DOCK4: variants seen among roughly 807,000 people sequenced by gnomAD.
DOCK4 encodes dedicator of cytokinesis 4.
In DOCK4, 97 loss-of-function variants were observed where a neutral mutation model predicts 268.1. The observed-to-expected ratio is 0.36, with a 90% confidence interval of 0.31 to 0.43. The LOEUF (loss-of-function observed/expected upper bound fraction) is 0.43. Ranked by LOEUF, DOCK4 falls within the 20% of genes least tolerant of loss-of-function variation. The probability of loss-of-function intolerance (pLI) is 1.00; values close to 1 mark genes in which losing one functional copy is unlikely to be tolerated. For synonymous variants in DOCK4, 954 were observed against 887.2 expected (o/e 1.08, Z -1.34); for missense variants, 2,145 against 2,455.7 (o/e 0.87, Z 2.67).
Position 111,940,233 on chromosome 7 carries a change from C to G in DOCK4, c.854G>C (p.Gly285Ala), listed in dbSNP as rs1347607151. The G allele has an allele frequency of 6.2e-7, 1 of 1,613,982 alleles. No individual in the cohort carries two copies. The highest frequency in any genetic ancestry group is 1.1e-5 in the South Asian group (1 of 91,086). Residue 285 changes from glycine (G) to alanine (A), a missense_variant, in exon 11 of 53, where the codon GGA becomes GCA. Physicochemically the swap from Gly to Ala is moderately conservative, Grantham distance 60 (BLOSUM62 0). Coordinates refer to ENST00000428084, the MANE Select transcript of DOCK4 (RefSeq NM_001363540.2). ...TVHIIRIGRMGAGEKKNACSV... is the reference protein window; with the variant it reads ...TVHIIRIGRMAAGEKKNACSV... ...ACAGGCATTCTTTTTTTCTCCTGCTCCCATTCGACCTGTTCAATTAAAGAG... is the reference window on the plus strand; with the variant it reads ...ACAGGCATTCTTTTTTTCTCCTGCTGCCATTCGACCTGTTCAATTAAAGAG...
chr7:112,100,217 A>G (rs191229447), intron 1 of DOCK4, among the ~76,000 whole-genome samples: 2 of 152,350 alleles, frequency 1.3e-5, no homozygotes, highest in Admixed American at 1.3e-4. Flanking sequence ...ACGTAAAGCC[A>G]TTCATGAAAT....
chr7:112,088,016 A>T (rs1191811290), intron 1 of DOCK4, among the ~76,000 whole-genome samples: 2 of 152,112 alleles, frequency 1.3e-5, no homozygotes, highest in African/African-American at 4.8e-5. Context: ...GGTGAAGGGG[A>T]GTAGATTTTT....
At chr7:111,877,746 A>G (rs1807029394) in intron 16 of DOCK4, among the ~76,000 whole-genome samples, 1 of 152,222 alleles carries the variant, frequency 6.6e-6, no homozygotes, top group Non-Finnish European at 1.5e-5. Context: ...CAGCTAACAC[A>G]TGTAAAAGCA....
chr7:111,758,016 A>G (rs1396277765), intron 41 of DOCK4, among the ~76,000 whole-genome samples: 1 of 152,116 alleles, frequency 6.6e-6, no homozygotes, highest in Non-Finnish European at 1.5e-5. Context: ...TGAAGTAGGA[A>G]GGCGTGTTGG....
At chr7:111,840,245 C>T (rs1368261626) in intron 25 of DOCK4, among the ~76,000 whole-genome samples, 1 of 152,162 alleles carries the variant, frequency 6.6e-6, no homozygotes, top group Non-Finnish European at 1.5e-5. Flanking sequence ...ACAGAATTAA[C>T]CCAGGCCCAT....
chr7:112,184,623 T>C (rs545555993), intron 1 of DOCK4, among the ~76,000 whole-genome samples: 2 of 152,238 alleles, frequency 1.3e-5, no homozygotes, highest in Admixed American at 1.3e-4. Context: ...ACCCCGGCCC[T>C]TGGAGTCAGC....
At chr7:111,791,100 A>ATATATATAT (rs67130458) in intron 30 of DOCK4, among the ~76,000 whole-genome samples, 25 of 124,166 alleles carry the variant, frequency 2.0e-4, no homozygotes, top group South Asian at 4.5e-4. Flanking sequence ...ATATATATAT[A>ATATATATAT]AAATAAATCA....
intron 1 of DOCK4, among the ~76,000 whole-genome samples, chr7:112,013,455 T>A (rs368600125): frequency 6.6e-6 from 1 of 152,086 alleles, no homozygotes; most frequent in African/African-American, 2.4e-5. Flanking sequence ...AACGGAGAAA[T>A]AGAGGAACAA....
At chr7:112,038,555 G>A (rs1247428852) in intron 1 of DOCK4, among the ~76,000 whole-genome samples, 1 of 152,142 alleles carries the variant, frequency 6.6e-6, no homozygotes, top group Non-Finnish European at 1.5e-5. Context: ...ACAGCCTGGA[G>A]GTGACAGTAC....
At chr7:112,044,677 G>A (rs1428533226) in intron 1 of DOCK4, among the ~76,000 whole-genome samples, 1 of 151,910 alleles carries the variant, frequency 6.6e-6, no homozygotes, top group Non-Finnish European at 1.5e-5. Context: ...ATCCCACCAC[G>A]TTCTTACTCA....
At chr7:112,024,473 C>T (rs1005698194) in intron 1 of DOCK4, among the ~76,000 whole-genome samples, 3 of 152,300 alleles carry the variant, frequency 2.0e-5, no homozygotes, top group Middle Eastern at 3.4e-3. Flanking sequence ...CCCGGCTGCT[C>T]AGGCCAAAAG....
At chr7:111,939,743 G>C (rs866339301) in intron 11 of DOCK4, among the ~76,000 whole-genome samples, 5 of 152,094 alleles carry the variant, frequency 3.3e-5, no homozygotes, top group Middle Eastern at 3.2e-3. Context: ...AGTCATCTGG[G>C]CTTCCCTTCC....
intron 4 of DOCK4, among the ~76,000 whole-genome samples, chr7:111,997,395 C>T (rs971916405): frequency 6.6e-6 from 1 of 152,136 alleles, no homozygotes; most frequent in African/African-American, 2.4e-5. Flanking sequence ...TAAAGCAGCT[C>T]ACATATATAA....
chr7:111,927,150 G>A (rs965530683), intron 12 of DOCK4, among the ~76,000 whole-genome samples: 2 of 152,132 alleles, frequency 1.3e-5, no homozygotes, highest in Admixed American at 6.6e-5. Flanking sequence ...TGAGATCTTC[G>A]AAGTGGGTAA....
chr7:112,000,273 T>G (rs1430973677), intron 3 of DOCK4, among the ~76,000 whole-genome samples: 1 of 152,148 alleles, frequency 6.6e-6, no homozygotes, highest in African/African-American at 2.4e-5. Context: ...TATTAAGGTC[T>G]TCTCAGTACA....
chr7:112,172,643 G>A (rs1021509718), intron 1 of DOCK4, among the ~76,000 whole-genome samples: 5 of 152,048 alleles, frequency 3.3e-5, no homozygotes, highest in Non-Finnish European at 7.4e-5. Flanking sequence ...TTTATCTTCT[G>A]CAATAGAAAT....
chr7:112,197,809 A>G (rs1407706027), intron 1 of DOCK4, among the ~76,000 whole-genome samples: 1 of 152,022 alleles, frequency 6.6e-6, no homozygotes, highest in Non-Finnish European at 1.5e-5. Context: ...AATAATCTTT[A>G]ATCACACTCT....
rs1304506826 is a variant in DOCK4, at chr7:111,834,661, G to C, written c.2762C>G (p.Ser921Cys). The change falls in exon 26 of 53, where the codon TCC becomes TGC. Residue 921 changes from serine (S) to cysteine (C), a missense_variant. By Grantham distance (112) the Ser-to-Cys change is moderately radical (BLOSUM62 -1). Transcript: ENST00000428084. ...VTGEFVACLL[S>C]LLRQMTDRHY... ...TCTATCTGTCATTTGTCGTAATAGG[G>C]ACAGGAGACAAGCAACAAACTCCCC... The C allele has an allele frequency of 4.5e-6, 7 of 1,544,822 alleles. No individual in the cohort carries two copies. In the African/African-American group the frequency reaches 5.5e-5, roughly 12 times the overall value.
chr7:111,741,716 C>T (rs1795931883), intron 45 of DOCK4, 55 bp from the exon 46 acceptor site: 4 of 1,587,992 alleles, frequency 2.5e-6, no homozygotes, highest in Non-Finnish European at 3.4e-6. Flanking sequence ...GGCAAAATAA[C>T]TTATGAGACA....
Sources: allele counts gnomAD v4.1 joint callset (sites outside exome capture counted in the v4.1 genomes callset), GRCh38; gene constraint gnomAD v4.1.1; transcripts MANE v1.5; gene names NCBI Gene and HGNC (gene_info 2026-07-23, HGNC 2026-07-21).